The following NEMF variants were observed in gnomAD, a reference collection of about 807,000 sequenced individuals.
NEMF encodes ribosome quality control complex subunit NEMF.
Under a neutral mutation model 162.2 loss-of-function variants are expected in NEMF, and 89 were observed. That is an observed-to-expected ratio of 0.55 (90% CI 0.46 to 0.65). The LOEUF (loss-of-function observed/expected upper bound fraction) is 0.65, where lower values mean the gene tolerates loss of function less well. Among genes scored for constraint, NEMF ranks in the 30% least tolerant of loss-of-function variants. The pLI is 0.00. For synonymous variants in NEMF, 421 were observed against 404.5 expected (o/e 1.04, Z -0.49); for missense variants, 1,133 against 1,261.9 (o/e 0.90, Z 1.55).
In NEMF at chr14:49,782,765, T is replaced by C; in HGVS notation, c.*1871A>G. 2 of 1,554,208 alleles carry C rather than the reference T, an allele frequency of 1.3e-6. No individual in the cohort carries two copies. Among genetic ancestry groups the C allele is most frequent in the Non-Finnish European group, 1.7e-6 (2 of 1,144,664 alleles). On this transcript the variant is annotated 3_prime_UTR_variant, in exon 33 of 33. Transcript: ENST00000298310. ...GAAAGAGGGATGTTTTATGTAGTTT[T>C]TCAAGTGAATGTACTTCCAAACAGT...
rs1890339790 is a variant in NEMF, at chr14:49,789,477, G to A, written c.2697+19C>T. ...CCATTTGAAAAGCAAAAGAAAAAAT[G>A]TTTTTAGATGTTATTTACCCCCAGC... is the stretch of plus-strand genomic sequence containing the variant. On this transcript the variant is annotated intron_variant, in intron 27 of 32. Transcript: ENST00000298310. 2 of 1,611,168 alleles carry A rather than the reference G, an allele frequency of 1.2e-6. No homozygotes were observed. Among genetic ancestry groups the A allele is most frequent in the Non-Finnish European group, 1.7e-6 (2 of 1,179,416 alleles).
At chr14:49,802,927 C>G (rs1891023819) in intron 20 of NEMF, among the ~76,000 whole-genome samples, 200 bp from the exon 21 acceptor site, 1 of 152,136 alleles carries the variant, frequency 6.6e-6, no homozygotes, top group Non-Finnish European at 1.5e-5. Flanking sequence ...AATATACACA[C>G]TTGCTCTGAT....
At chr14:49,839,072 T>A (rs1036108331) in intron 5 of NEMF, among the ~76,000 whole-genome samples, 4 of 151,050 alleles carry the variant, frequency 2.6e-5, no homozygotes, top group East Asian at 1.9e-4. Flanking sequence ...TGTTAATTTT[T>A]TTTTTTTTAT....
At chr14:49,842,996 C>A (rs1192404842) in intron 4 of NEMF, among the ~76,000 whole-genome samples, 1 of 151,428 alleles carries the variant, frequency 6.6e-6, no homozygotes, top group East Asian at 1.9e-4. Context: ...CAGGGTGAGA[C>A]TTATTCTCAA....
chr14:49,847,112 C>T (rs1197748768), intron 3 of NEMF, among the ~76,000 whole-genome samples: 1 of 151,642 alleles, frequency 6.6e-6, no homozygotes, highest in Non-Finnish European at 1.5e-5. Context: ...TCTCGAAGTT[C>T]TGACCTCGTG....
At chr14:49,805,534 C>T (rs1422750310) in intron 19 of NEMF, among the ~76,000 whole-genome samples, 1 of 150,940 alleles carries the variant, frequency 6.6e-6, no homozygotes, top group Admixed American at 6.6e-5. Context: ...ACCCCAACAA[C>T]ATCATTAACC....
intron 3 of NEMF, among the ~76,000 whole-genome samples, chr14:49,848,170 T>C (rs937871447): frequency 6.6e-6 from 1 of 152,132 alleles, no homozygotes; most frequent in Non-Finnish European, 1.5e-5. Flanking sequence ...GCCCAGCTTA[T>C]TCCTACAAAC....
intron 11 of NEMF, among the ~76,000 whole-genome samples, chr14:49,830,084 A>G (rs1013631353): frequency 1.3e-5 from 2 of 152,212 alleles, no homozygotes; most frequent in Admixed American, 6.5e-5. Flanking sequence ...AAGGTTATCA[A>G]TTGGGGGACA....
chr14:49,799,355 A>T, intron 25 of NEMF, 120 bp downstream of exon 25: 1 of 805,664 alleles, frequency 1.2e-6, no homozygotes, highest in Non-Finnish European at 1.9e-6. Flanking sequence ...ATTTGTGCTA[A>T]ATCTTGGTAA....
intron 16 of NEMF, among the ~76,000 whole-genome samples, chr14:49,822,851 A>T (rs1422874593): frequency 6.6e-6 from 1 of 151,886 alleles, no homozygotes; most frequent in Non-Finnish European, 1.5e-5. Flanking sequence ...GTCTCCTATC[A>T]GTATGTGTGG....
chr14:49,805,140 T>C lies in NEMF; in HGVS notation c.1857+881A>G, dbSNP rs1238851390. Among the ~76,000 whole-genome samples the C allele has an allele frequency of 2.0e-5, 3 of 152,136 alleles. No individual in the cohort carries two copies. The South Asian group carries it at 6.2e-4, about 32-fold the overall frequency. On this transcript the variant is annotated intron_variant, in intron 19 of 32. Coordinates refer to ENST00000298310, the MANE Select transcript of NEMF (RefSeq NM_004713.6). ...AACCACTTTTATAACAGCACTGAGGTAGCAATTTATAATCCCCCTATATGA... is the reference window on the plus strand; with the variant it reads ...AACCACTTTTATAACAGCACTGAGGCAGCAATTTATAATCCCCCTATATGA...
chr14:49,828,122 G>C (rs1336988888), intron 15 of NEMF, among the ~76,000 whole-genome samples, 169 bp downstream of exon 15: 1 of 152,170 alleles, frequency 6.6e-6, no homozygotes, highest in African/African-American at 2.4e-5. Flanking sequence ...GAATAGGGGA[G>C]GAGCAGTCCT....
At chr14:49,786,402 ATAAT>A in intron 29 of NEMF, 1 of 288,778 alleles carries the variant, frequency 3.5e-6, no homozygotes, top group South Asian at 6.3e-5. Flanking sequence ...GTGCTGAAGT[ATAAT>A]TAATATTTGA....
chr14:49,836,508 C>T (rs1284679888), intron 6 of NEMF, among the ~76,000 whole-genome samples: 1 of 151,860 alleles, frequency 6.6e-6, no homozygotes, highest in African/African-American at 2.4e-5. Context: ...GAAAAATTAG[C>T]CAGGAGTTCA....
At chr14:49,827,889 C>A (rs992945559) in intron 15 of NEMF, among the ~76,000 whole-genome samples, 4 of 151,424 alleles carry the variant, frequency 2.6e-5, no homozygotes, top group African/African-American at 4.9e-5. Context: ...GGAGAGAGAT[C>A]CAATAAGAGG....
At chr14:49,793,715 G>A (rs759084579) in intron 26 of NEMF, among the ~76,000 whole-genome samples, 3 of 151,936 alleles carry the variant, frequency 2.0e-5, no homozygotes, top group Non-Finnish European at 2.9e-5. Flanking sequence ...AAACTTCAAC[G>A]TCCTCGTTGC....
chr14:49,836,509 CAGGAGTT>C (rs1301427320), intron 6 of NEMF, among the ~76,000 whole-genome samples: 5 of 151,882 alleles, frequency 3.3e-5, no homozygotes, highest in African/African-American at 9.7e-5. Flanking sequence ...AAAAATTAGC[CAGGAGTT>C]CATCCCTGTA....
At chr14:49,814,085 G>C in intron 17 of NEMF, 35 bp from the exon 18 acceptor site, 1 of 1,194,542 alleles carries the variant, frequency 8.4e-7, no homozygotes, top group East Asian at 2.3e-5. Flanking sequence ...GACACTTTAA[G>C]TCCTAATTAT....
rs1594714331 is a variant in NEMF at position 49,785,238 on chromosome 14, G to A, written c.3011C>T (p.Thr1004Ile). ...AACTTACTTGTAGTTTGTCATGGTGGTGTAAGGGGCACATATTGGAATGGC... is the reference window on the plus strand; with the variant it reads ...AACTTACTTGTAGTTTGTCATGGTGATGTAAGGGGCACATATTGGAATGGC... ...LFAIPICAPY[T>I]TMTNYKYKVK... Residue 1004 changes from threonine to isoleucine, a missense_variant, in exon 30 of 33, where the codon ACC becomes ATC. By Grantham distance (89) the Thr-to-Ile change is moderately conservative. Transcript: ENST00000298310. The A allele has an allele frequency of 6.2e-7, 1 of 1,613,552 alleles. No homozygotes were observed. Among genetic ancestry groups the A allele is most frequent in the Non-Finnish European group, 8.5e-7 (1 of 1,179,542 alleles).
Sources: gnomAD v4.1 joint callset for allele counts (sites outside exome capture counted in the v4.1 genomes callset) on GRCh38, gnomAD v4.1.1 for gene constraint, MANE v1.5 for transcripts, NCBI Gene and HGNC (gene_info 2026-07-23, HGNC 2026-07-21) for gene names.